FGD5: variants seen among roughly 807,000 people sequenced by gnomAD.
FGD5 encodes the protein FYVE, RhoGEF and PH domain-containing protein 5.
Under a neutral mutation model 133.4 loss-of-function variants are expected in FGD5, and 28 were observed. The observed-to-expected ratio is 0.21, with a 90% CI of 0.16 to 0.29. The LOEUF (loss-of-function observed/expected upper bound fraction) is 0.29, where lower values mean the gene tolerates loss of function less well. Ranked by LOEUF, FGD5 falls within the 10% of genes least tolerant of loss-of-function variation. The pLI is 1.00. For missense variants in FGD5, 1,858 were observed against 1,895.2 expected (o/e 0.98, Z 0.36); for synonymous variants, 810 against 776.5 (o/e 1.04, Z -0.72).
intron 2 of FGD5, among the ~76,000 whole-genome samples, chr3:14,873,071 A>G (rs1602298): frequency 0.14 from 21,898 of 152,172 alleles, 1,906 homozygotes; most frequent in East Asian, 0.39. Flanking sequence ...CACAGATTCC[A>G]TTCTGTCAAG....
intron 1 of FGD5, among the ~76,000 whole-genome samples, chr3:14,856,221 C>G (rs1159287965): frequency 1.3e-5 from 2 of 152,014 alleles, no homozygotes; most frequent in African/African-American, 4.8e-5. Context: ...TATTTTGTTC[C>G]CTTGTTCTGT....
At chr3:14,908,844 C>T (rs188791696) in intron 10 of FGD5, among the ~76,000 whole-genome samples, 1 of 151,804 alleles carries the variant, frequency 6.6e-6, no homozygotes, top group African/African-American at 2.4e-5. Context: ...CGCGCCATTG[C>T]ACTCCAGCCC....
At chr3:14,905,567 G>A (rs996833770) in intron 9 of FGD5, among the ~76,000 whole-genome samples, 1 of 152,156 alleles carries the variant, frequency 6.6e-6, no homozygotes, top group Admixed American at 6.5e-5. Flanking sequence ...TGCTAAACCT[G>A]TCAAAGGAAT....
chr3:14,827,982 G>A (rs1181953589), intron 1 of FGD5, among the ~76,000 whole-genome samples: 1 of 152,186 alleles, frequency 6.6e-6, no homozygotes, highest in Non-Finnish European at 1.5e-5. Flanking sequence ...CGAATTACAT[G>A]CCCAGGAGTT....
chr3:14,813,785 C>T (rs2036331123), intron 1 of FGD5, among the ~76,000 whole-genome samples: 1 of 152,214 alleles, frequency 6.6e-6, no homozygotes, highest in Non-Finnish European at 1.5e-5. Flanking sequence ...ATCCAGTGCT[C>T]CTGGCTCCCC....
intron 2 of FGD5, among the ~76,000 whole-genome samples, chr3:14,871,064 C>A (rs139673971): frequency 1.3e-5 from 2 of 152,228 alleles, no homozygotes; most frequent in African/African-American, 4.8e-5. Context: ...GTGCTCCCTG[C>A]CCTTTGCCTG....
At chr3:14,909,762 T>TTTTC (rs1491108011) in intron 10 of FGD5, among the ~76,000 whole-genome samples, 15 of 83,364 alleles carry the variant, frequency 1.8e-4, no homozygotes, top group African/African-American at 5.1e-4. Context: ...TTTTCTTTTC[T>TTTTC]TTTTTTTTTT....
intron 4 of FGD5, among the ~76,000 whole-genome samples, chr3:14,890,030 C>A (rs2037996595): frequency 6.6e-6 from 1 of 152,086 alleles, no homozygotes; most frequent in African/African-American, 2.4e-5. Context: ...TCATATTGTA[C>A]ATTTCAGCCC....
intron 1 of FGD5, among the ~76,000 whole-genome samples, chr3:14,852,969 A>T (rs578101828): frequency 6.6e-6 from 1 of 152,286 alleles, no homozygotes; most frequent in Admixed American, 6.5e-5. Flanking sequence ...TTGACCCATG[A>T]GTCCAGCCTC....
intron 12 of FGD5, 79 bp from the exon 13 acceptor site, chr3:14,918,675 T>C: frequency 7.1e-7 from 1 of 1,418,034 alleles, no homozygotes; most frequent in South Asian, 1.2e-5. Context: ...GTCCCTCTGT[T>C]CATCTGCTGC....
In FGD5 at chr3:14,916,809, C is replaced by T. The variant is rs2038565536; in HGVS notation, c.3406-440C>T. Among the ~76,000 whole-genome samples, 2 of 152,236 alleles carry T rather than the reference C, an allele frequency of 1.3e-5. 1 individual carries two copies. The highest frequency in any genetic ancestry group is 4.1e-4 in the South Asian group (2 of 4,832). On this transcript the variant is annotated intron_variant, in intron 11 of 19. Transcript: ENST00000285046. ...GTGTCACAGAAATGTCATCAAACAGCATATACTCTTTTGTGCCTCGCTTCT... is the reference window on the plus strand; with the variant it reads ...GTGTCACAGAAATGTCATCAAACAGTATATACTCTTTTGTGCCTCGCTTCT...
chr3:14,827,567 C>T (rs2036625131), intron 1 of FGD5, among the ~76,000 whole-genome samples: 1 of 152,016 alleles, frequency 6.6e-6, no homozygotes, highest in Admixed American at 6.5e-5. Flanking sequence ...CACAGCCACC[C>T]CCAAAGTGTT....
chr3:14,870,240 G>C (rs569745110), intron 2 of FGD5, among the ~76,000 whole-genome samples: 321 of 152,322 alleles, frequency 2.1e-3, no homozygotes, highest in African/African-American at 7.6e-3. Flanking sequence ...GAGAGTCTGT[G>C]AGCCAGAGCC....
At chr3:14,827,732 C>T (rs900813453) in intron 1 of FGD5, among the ~76,000 whole-genome samples, 1 of 152,152 alleles carries the variant, frequency 6.6e-6, no homozygotes, top group East Asian at 1.9e-4. Flanking sequence ...TTCCCTCCTG[C>T]AGGCCACAGT....
intron 5 of FGD5, 111 bp downstream of exon 5, chr3:14,897,780 G>A (rs1330505573): frequency 8.3e-6 from 12 of 1,449,970 alleles, no homozygotes; most frequent in East Asian, 2.5e-5. Context: ...TGGGAAAGCC[G>A]AACTCCGAAG....
intron 7 of FGD5, among the ~76,000 whole-genome samples, chr3:14,899,065 G>A (rs910167793): frequency 1.3e-5 from 2 of 151,892 alleles, no homozygotes; most frequent in African/African-American, 2.4e-5. Flanking sequence ...AAAACCCAAC[G>A]ACACCCCTCC....
chr3:14,929,888 T>C (rs576428337), intron 18 of FGD5, among the ~76,000 whole-genome samples: 19 of 152,370 alleles, frequency 1.2e-4, no homozygotes, highest in African/African-American at 4.6e-4. Context: ...TGTCAGTGTT[T>C]CCTTTTATGA....
At chr3:14,880,652 T>C in intron 3 of FGD5, 22 bp downstream of exon 3, 5 of 1,614,024 alleles carry the variant, frequency 3.1e-6, no homozygotes, top group Non-Finnish European at 3.4e-6. Context: ...AGGAGCTGCC[T>C]GTGGCCTTGA....
chr3:14,811,068 G>A (rs938063380), intron 1 of FGD5, among the ~76,000 whole-genome samples: 5 of 152,120 alleles, frequency 3.3e-5, no homozygotes, highest in African/African-American at 1.2e-4. Flanking sequence ...CCCGTCCGAA[G>A]CGCCCTGCCT....
Sources: gnomAD v4.1 joint callset for allele counts (sites outside exome capture counted in the v4.1 genomes callset) on GRCh38, gnomAD v4.1.1 for gene constraint, MANE v1.5 for transcripts, NCBI Gene and HGNC (gene_info 2026-07-23, HGNC 2026-07-21) for gene names.